Variants in FAM135A observed in about 807,000 individuals in gnomAD.
FAM135A encodes family with sequence similarity 135 member A, also known as protein FAM135A.
A neutral mutation model predicts 146.8 loss-of-function variants in FAM135A; 79 were observed. That is an observed-to-expected ratio of 0.54 (90% CI 0.45 to 0.65). The LOEUF is 0.65. FAM135A is among the 30% of genes least tolerant of loss of function. FAM135A has a pLI of 0.00. For missense variants in FAM135A, 1,623 were observed against 1,758.2 expected, an observed-to-expected ratio of 0.92 and a Z score of 1.38; for synonymous variants, 562 against 603.6, an observed-to-expected ratio of 0.93 and a Z score of 1.01.
intron 5 of FAM135A, among the ~76,000 whole-genome samples, chr6:70,453,513 CATTA>C (rs1777583850): frequency 6.6e-6 from 1 of 152,062 alleles, no homozygotes; most frequent in Non-Finnish European, 1.5e-5. Flanking sequence ...TTGCTGCACC[CATTA>C]ATTCATCATT....
At chr6:70,543,975 AG>A (rs1798390485) in intron 20 of FAM135A, among the ~76,000 whole-genome samples, 1 of 152,238 alleles carries the variant, frequency 6.6e-6, no homozygotes, top group Non-Finnish European at 1.5e-5. Context: ...AACACTGACT[AG>A]GCTACCTAAT....
intron 10 of FAM135A, among the ~76,000 whole-genome samples, chr6:70,484,052 A>T (rs1436557058): frequency 1.3e-5 from 2 of 152,220 alleles, no homozygotes; most frequent in Admixed American, 6.5e-5. Context: ...ATCTCTAGGA[A>T]CAATACTTCT....
intron 4 of FAM135A, among the ~76,000 whole-genome samples, chr6:70,443,260 T>C (rs1562427917): frequency 1.3e-5 from 2 of 152,228 alleles, no homozygotes; most frequent in African/African-American, 4.8e-5. Context: ...AATATGACAG[T>C]AGTCCAATAA....
chr6:70,465,960 A>C (rs1780399218), intron 5 of FAM135A, among the ~76,000 whole-genome samples: 1 of 152,198 alleles, frequency 6.6e-6, no homozygotes, highest in African/African-American at 2.4e-5. Context: ...TATGTTGTCA[A>C]CAAAGCCTCT....
At chr6:70,554,667 G>A (rs113228793) in intron 20 of FAM135A, among the ~76,000 whole-genome samples, 6,531 of 152,088 alleles carry the variant, frequency 0.043, 301 homozygotes, top group African/African-American at 0.1. Flanking sequence ...CTCTTTTGTC[G>A]CCCAGGCTGG....
Position 70,556,761 on chromosome 6 carries a change from T to C in FAM135A, c.4240T>C (p.Phe1414Leu). The C allele has an allele frequency of 6.2e-7, 1 of 1,604,462 alleles. No homozygotes were observed. Among genetic ancestry groups the C allele is most frequent in the Non-Finnish European group, 8.5e-7 (1 of 1,176,746 alleles). Residue 1414 changes from phenylalanine to leucine, a missense_variant, in exon 21 of 22, where the codon TTC becomes CTC. By Grantham distance (22) the Phe-to-Leu change is conservative (BLOSUM62 0). Transcript: ENST00000418814. ...KLSNKAGLHY[F>L]KNVVLVGSLQ... ...TATTCTATTCACAGGGCTTCATTATTTCAAAAATGTTGTGCTAGTGGGATC... is the reference window on the plus strand; with the variant it reads ...TATTCTATTCACAGGGCTTCATTATCTCAAAAATGTTGTGCTAGTGGGATC...
In FAM135A at chr6:70,559,619, G is replaced by A. The variant is rs562356026; in HGVS notation, c.4343-97G>A. The A allele has an allele frequency of 2.7e-5, 27 of 992,220 alleles. 1 individual carries two copies. The highest frequency in any genetic ancestry group is 9.5e-5 in the South Asian group (5 of 52,702). 61.5% of individuals were successfully genotyped at this position (992,220 alleles called of 1,614,324 possible). On this transcript the variant is annotated intron_variant, in intron 21 of 21. Transcript: ENST00000418814. ...TTTTTCTGCTTTATATGGAAATAATGTAACTAAATTTTATAACTTATCTAA... is the reference window on the plus strand; with the variant it reads ...TTTTTCTGCTTTATATGGAAATAATATAACTAAATTTTATAACTTATCTAA...
chr6:70,424,862 A>G (rs371761741), intron 2 of FAM135A, among the ~76,000 whole-genome samples: 2 of 152,252 alleles, frequency 1.3e-5, no homozygotes, highest in South Asian at 2.1e-4. Context: ...TTATTTCCAC[A>G]TAACAGTGGT....
At chr6:70,474,431 G>A (rs1042262972) in intron 5 of FAM135A, among the ~76,000 whole-genome samples, 3 of 152,084 alleles carry the variant, frequency 2.0e-5, no homozygotes, top group Admixed American at 6.6e-5. Context: ...CTCCCCTCAC[G>A]TCAGCCATGA....
chr6:70,419,701 A>T (rs1056527935), intron 2 of FAM135A, among the ~76,000 whole-genome samples: 1 of 152,106 alleles, frequency 6.6e-6, no homozygotes, highest in African/African-American at 2.4e-5. Context: ...TAAGCCCCTC[A>T]TCTAATTGTG....
At chr6:70,422,347 TC>T (rs1769042105) in intron 2 of FAM135A, among the ~76,000 whole-genome samples, 1 of 152,210 alleles carries the variant, frequency 6.6e-6, no homozygotes, top group Admixed American at 6.5e-5. Context: ...GAATTTTTTT[TC>T]CCTTGCTCTC....
At chr6:70,462,568 A>G (rs1285274977) in intron 5 of FAM135A, among the ~76,000 whole-genome samples, 1 of 152,074 alleles carries the variant, frequency 6.6e-6, no homozygotes, top group African/African-American at 2.4e-5. Flanking sequence ...CTCCATTTTG[A>G]TAGAAGCTTT....
chr6:70,452,028 G>GA (rs948350955), intron 4 of FAM135A, among the ~76,000 whole-genome samples: 38 of 142,900 alleles, frequency 2.7e-4, no homozygotes, highest in African/African-American at 4.9e-4. Flanking sequence ...CTCTGACCTT[G>GA]AAAAAAAAAA....
In FAM135A at chr6:70,475,741, G is replaced by A; in HGVS notation, c.368+8G>A. On this transcript the variant is annotated splice_region_variant and intron_variant, in intron 7 of 21. Coordinates refer to ENST00000418814, the MANE Select transcript of FAM135A (RefSeq NM_001162529.3). ...CACAGATGGAGATTATTCGTAAGTA[G>A]CTAATCAATTAAAAAACCTTTAGGC... is the stretch of plus-strand genomic sequence containing the variant. 6.3e-7 allele frequency: 1 copy of A among 1,592,598 alleles called. No homozygotes were observed. The highest frequency in any genetic ancestry group is 8.6e-7 in the Non-Finnish European group (1 of 1,168,304).
intron 11 of FAM135A, among the ~76,000 whole-genome samples, chr6:70,494,752 G>A (rs1217067469): frequency 6.6e-6 from 1 of 151,886 alleles, no homozygotes; most frequent in South Asian, 2.1e-4. Context: ...TGATCCCTAG[G>A]GAATAAAATT....
At chr6:70,435,094 T>G (rs1213922746) in intron 4 of FAM135A, among the ~76,000 whole-genome samples, 2 of 120,142 alleles carry the variant, frequency 1.7e-5, no homozygotes, top group Non-Finnish European at 3.6e-5. Context: ...TATATATATA[T>G]ATATATATAT....
intron 2 of FAM135A, chr6:70,417,483 G>A (rs918441092): frequency 1.8e-4 from 86 of 478,666 alleles, no homozygotes; most frequent in Middle Eastern, 2.0e-3. Context: ...AAAGTGCTGG[G>A]ATTACAGGCA....
intron 20 of FAM135A, among the ~76,000 whole-genome samples, chr6:70,551,549 C>A (rs1399870023): frequency 6.6e-6 from 1 of 152,078 alleles, no homozygotes. Flanking sequence ...AGGTAGAGGC[C>A]GCAATGAGTC....
chr6:70,525,906 A>C lies in FAM135A; in HGVS notation c.2822A>C (p.Lys941Thr), dbSNP rs1032377529. 1.2e-6 allele frequency: 2 copies of C among 1,613,354 alleles called. No individual in the cohort carries two copies. The highest frequency in any genetic ancestry group is 2.7e-5 in the African/African-American group (2 of 75,018). Residue 941 changes from lysine (K) to threonine (T), a missense_variant, in exon 15 of 22, where the codon AAA becomes ACA. Coordinates refer to ENST00000418814, the MANE Select transcript of FAM135A (RefSeq NM_001162529.3). ...GATGTGAAAAGTAGTTGCAGCTCCA[A>C]ACCTAACTTGGATACTATGTGTAAA... ...SSDVKSSCSSKPNLDTMCKGF... is the reference protein window; with the variant it reads ...SSDVKSSCSSTPNLDTMCKGF...
Sources: gnomAD v4.1 joint callset for allele counts (sites outside exome capture counted in the v4.1 genomes callset) on GRCh38, gnomAD v4.1.1 for gene constraint, MANE v1.5 for transcripts, NCBI Gene and HGNC (gene_info 2026-07-23, HGNC 2026-07-21) for gene names.